Variants in SKAP2 observed in about 807,000 individuals in gnomAD.
SKAP2 encodes the protein src kinase associated phosphoprotein 2.
In SKAP2, 28 loss-of-function variants were observed where a neutral mutation model predicts 54.9. The observed-to-expected ratio is 0.51, with a 90% CI of 0.38 to 0.70. SKAP2 has a LOEUF of 0.70. Among genes scored for constraint, SKAP2 ranks in the 30% least tolerant of loss-of-function variants. The pLI is 0.00. For missense variants in SKAP2, 356 were observed against 424.1 expected, an observed-to-expected ratio of 0.84 and a Z score of 1.41; for synonymous variants, 137 against 134.3, an observed-to-expected ratio of 1.02 and a Z score of -0.14.
intron 4 of SKAP2, among the ~76,000 whole-genome samples, chr7:26,756,133 A>G (rs772348317): frequency 1.3e-5 from 2 of 152,228 alleles, no homozygotes; most frequent in Non-Finnish European, 2.9e-5. Flanking sequence ...GTTGAAAAAC[A>G]CAAGTGGTAT....
At chr7:26,759,121 C>T (rs1782867240) in intron 4 of SKAP2, among the ~76,000 whole-genome samples, 1 of 152,070 alleles carries the variant, frequency 6.6e-6, no homozygotes, top group Non-Finnish European at 1.5e-5. Context: ...ACTAGTATTC[C>T]AAATTCCACC....
At chr7:26,838,808 C>T (rs559944400) in intron 4 of SKAP2, among the ~76,000 whole-genome samples, 18 of 152,166 alleles carry the variant, frequency 1.2e-4, no homozygotes, top group Non-Finnish European at 1.6e-4. Context: ...TATTGTAGCA[C>T]GTAGTATTTA....
At chr7:26,690,814 T>C (rs1316110504) in intron 9 of SKAP2, among the ~76,000 whole-genome samples, 1 of 152,218 alleles carries the variant, frequency 6.6e-6, no homozygotes, top group Non-Finnish European at 1.5e-5. Context: ...GAGTATCATA[T>C]ATAAAATCAT....
intron 4 of SKAP2, among the ~76,000 whole-genome samples, chr7:26,831,807 G>A (rs771255422): frequency 1.3e-5 from 2 of 151,956 alleles, no homozygotes; most frequent in Non-Finnish European, 2.9e-5. Context: ...ACTAAGGTAT[G>A]TCCTATCCCA....
At position 26,741,643 on chromosome 7, in the gene SKAP2, T is replaced by A. The variant is rs544416010; in HGVS notation, c.308-1679A>T. 7.9e-5 allele frequency among the ~76,000 whole-genome samples: 12 copies of A among 152,218 alleles called. No homozygotes were observed. In the South Asian group the frequency reaches 2.3e-3, roughly 29 times the overall value. On this transcript the variant is annotated intron_variant, in intron 4 of 12. Transcript: ENST00000345317. ...TTTGTAACAGAGAAAGAATAAATGG[T>A]TGAGGTGATGGATACCTCATTTATC... is the stretch of plus-strand genomic sequence containing the variant.
intron 4 of SKAP2, among the ~76,000 whole-genome samples, chr7:26,820,729 T>A (rs1784369298): frequency 6.6e-6 from 1 of 152,148 alleles, no homozygotes; most frequent in East Asian, 1.9e-4. Context: ...TAATCAGTTA[T>A]CTTTTAGCTA....
In SKAP2 at chr7:26,739,927, A is replaced by C. The variant is rs759022820; in HGVS notation, c.345T>G (p.Pro115=). The change falls in exon 5 of 13, where the codon CCT becomes CCG. Residue 115 remains proline, a synonymous_variant. Coordinates refer to ENST00000345317, the MANE Select transcript of SKAP2 (RefSeq NM_003930.5). ...QFPPIAAQDL[P]FVLKAGYLEK... ...CAAGGTAGCCAGCCTTTAGAACAAA[A>C]GGAAGGTCTTGTGCTGCAATTGGAG... 8.1e-6 allele frequency: 13 copies of C among 1,612,074 alleles called. No individual in the cohort carries two copies. The highest frequency in any genetic ancestry group is 2.7e-5 in the African/African-American group (2 of 74,722).
intron 9 of SKAP2, among the ~76,000 whole-genome samples, chr7:26,723,532 A>C (rs1787626010): frequency 6.6e-6 from 1 of 152,100 alleles, no homozygotes; most frequent in East Asian, 1.9e-4. Flanking sequence ...TACTTCCAAC[A>C]ATTATGTGTG....
chr7:26,705,753 C>A (rs1787142851), intron 9 of SKAP2, among the ~76,000 whole-genome samples: 1 of 152,172 alleles, frequency 6.6e-6, no homozygotes, highest in Non-Finnish European at 1.5e-5. Context: ...ATGCTTCTTG[C>A]CAACCCACAG....
At position 26,782,604 on chromosome 7, in the gene SKAP2, T is replaced by A. The variant is rs535936971; in HGVS notation, c.308-42640A>T. 1.7e-4 allele frequency among the ~76,000 whole-genome samples: 26 copies of A among 152,176 alleles called. No homozygotes were observed. The South Asian group carries it at 3.7e-3, about 22-fold the overall frequency. On this transcript the variant is annotated intron_variant, in intron 4 of 12. Transcript: ENST00000345317. Reference sequence around the variant, plus strand: ...TACTCAGGAGGCTGAGGTGGGTAGATCACTTGAGTCTAGGAATTTGAGGCT... The same window carrying A: ...TACTCAGGAGGCTGAGGTGGGTAGAACACTTGAGTCTAGGAATTTGAGGCT...
intron 4 of SKAP2, among the ~76,000 whole-genome samples, chr7:26,792,569 T>C (rs552253996): frequency 6.6e-6 from 1 of 152,264 alleles, no homozygotes; most frequent in Admixed American, 6.5e-5. Flanking sequence ...AACTCAGATA[T>C]AAATGGAAAA....
intron 6 of SKAP2, among the ~76,000 whole-genome samples, chr7:26,736,302 TG>T (rs1041971261): frequency 6.6e-6 from 1 of 152,148 alleles, no homozygotes; most frequent in African/African-American, 2.4e-5. Flanking sequence ...GTGATGAAAA[TG>T]ACCTTTGGTT....
At chr7:26,664,238 A>G (rs1039461660), downstream of SKAP2, among the ~76,000 whole-genome samples, 4 of 152,208 alleles carry the variant, frequency 2.6e-5, no homozygotes, top group African/African-American at 9.7e-5. Context: ...CTAATCGGGA[A>G]AATGGTAATG....
chr7:26,715,279 T>C (rs1263557145), intron 9 of SKAP2, among the ~76,000 whole-genome samples: 1 of 152,110 alleles, frequency 6.6e-6, no homozygotes, highest in East Asian at 1.9e-4. Flanking sequence ...TTGAATTCAA[T>C]GGCTAAGTGA....
At chr7:26,772,650 A>G (rs1783212179) in intron 4 of SKAP2, among the ~76,000 whole-genome samples, 1 of 152,204 alleles carries the variant, frequency 6.6e-6, no homozygotes. Flanking sequence ...GATTAATTCA[A>G]TGTAGTTGCT....
chr7:26,709,122 TTATAAG>T (rs1192013097), intron 9 of SKAP2, among the ~76,000 whole-genome samples: 1 of 152,162 alleles, frequency 6.6e-6, no homozygotes, highest in African/African-American at 2.4e-5. Flanking sequence ...TCTTTTATAC[TTATAAG>T]TATAAAACAT....
chr7:26,711,680 C>T (rs1363265885), intron 9 of SKAP2, among the ~76,000 whole-genome samples: 2 of 152,134 alleles, frequency 1.3e-5, no homozygotes, highest in African/African-American at 4.8e-5. Context: ...GGGACCATGG[C>T]TCAGGGCCTG....
chr7:26,860,964 T>C (rs1785261233), intron 1 of SKAP2, among the ~76,000 whole-genome samples: 1 of 152,044 alleles, frequency 6.6e-6, no homozygotes, highest in African/African-American at 2.4e-5. Context: ...ATTTATTGTT[T>C]GTTTGGTTTG....
chr7:26,701,602 G>T (rs1407831885), intron 9 of SKAP2, among the ~76,000 whole-genome samples: 2 of 152,012 alleles, frequency 1.3e-5, no homozygotes, highest in Non-Finnish European at 2.9e-5. Flanking sequence ...GTGTGGTGGT[G>T]GGCACCTGTA....
Sources: allele counts gnomAD v4.1 joint callset (sites outside exome capture counted in the v4.1 genomes callset), GRCh38; gene constraint gnomAD v4.1.1; transcripts MANE v1.5; gene names NCBI Gene and HGNC (gene_info 2026-07-23, HGNC 2026-07-21).